Variants in PPIE observed in about 807,000 individuals in gnomAD.
PPIE encodes peptidyl-prolyl cis-trans isomerase E.
PPIE carries 20 observed loss-of-function variants against 38.4 expected under a neutral mutation model. The observed-to-expected ratio is 0.52, with a 90% confidence interval of 0.37 to 0.76. PPIE has a LOEUF of 0.76. Among genes scored for constraint, PPIE ranks in the 30% least tolerant of loss-of-function variants. The pLI is 0.00. For missense variants in PPIE, 322 were observed against 385.8 expected, an observed-to-expected ratio of 0.83 and a Z score of 1.39; for synonymous variants, 142 against 135.7, an observed-to-expected ratio of 1.05 and a Z score of -0.32.
At chr1:39,762,650 A>G (rs1649153084) in intron 9 of PPIE, 2 of 1,539,868 alleles carry the variant, frequency 1.3e-6, no homozygotes, top group Middle Eastern at 1.7e-4. Flanking sequence ...GGTGCGGCAC[A>G]GGTGGGTGAG....
chr1:39,763,872 C>T lies in PPIE; in HGVS notation c.*130C>T, dbSNP rs1164043304. 1.1e-5 allele frequency: 16 copies of T among 1,449,620 alleles called. 1 individual carries two copies. The highest frequency in any genetic ancestry group is 2.1e-4 in the Middle Eastern group (1 of 4,830). 89.8% of individuals were successfully genotyped at this position (1,449,620 alleles called of 1,614,324 possible). A position where few individuals can be genotyped will look rare whatever the true frequency, so the allele number is the denominator to read the frequency against. On this transcript the variant is annotated 3_prime_UTR_variant, in exon 10 of 10. Coordinates refer to the PPIE transcript ENST00000356511. ...TATGGGGTACCAGGGTGGGGGATGC[C>T]CTGATGAGCACATTTGTCAAATAAA...
intron 8 of PPIE, 91 bp downstream of exon 8, chr1:39,749,179 G>C: frequency 7.3e-7 from 1 of 1,377,452 alleles, no homozygotes; most frequent in South Asian, 1.4e-5. Flanking sequence ...GTTCTGGCTG[G>C]CGGACACTAA....
chr1:39,741,800 A>G (rs1159058188), intron 3 of PPIE, 95 bp from the exon 4 acceptor site: 5 of 1,407,918 alleles, frequency 3.6e-6, no homozygotes, highest in Non-Finnish European at 4.0e-6. Context: ...CAGAGGTGGC[A>G]TTTTTCTGGA....
chr1:39,744,983 G>T (rs1271312539), intron 6 of PPIE, among the ~76,000 whole-genome samples: 1 of 152,226 alleles, frequency 6.6e-6, no homozygotes, highest in East Asian at 1.9e-4. Context: ...GTACATGGAT[G>T]GGTCTGCCTA....
At chr1:39,739,095 C>A in intron 1 of PPIE, 164 bp downstream of exon 1, 2 of 669,828 alleles carry the variant, frequency 3.0e-6, no homozygotes, top group Non-Finnish European at 4.4e-6. Context: ...TAAACTCCTT[C>A]CAAGGTTTCC....
In PPIE at chr1:39,753,436, C is replaced by T. The variant is rs1297579862; in HGVS notation, c.*81C>T. On this transcript the variant is annotated 3_prime_UTR_variant, in exon 10 of 10. Transcript: ENST00000324379. ...ACTGCCAGCCTCAGAGGAGGCAGCA[C>T]CGAGGGTGCCTGTTTGAAGCAAGCA... 1.3e-6 allele frequency: 2 copies of T among 1,569,794 alleles called. No homozygotes were observed. Among genetic ancestry groups the T allele is most frequent in the Non-Finnish European group, 1.7e-6 (2 of 1,158,696 alleles).
Position 39,753,947 on chromosome 1 carries a change from C to G in PPIE, c.*592C>G, listed in dbSNP as rs749682141. The G allele has an allele frequency of 2.0e-6, 2 of 985,252 alleles. No individual in the cohort carries two copies. Among genetic ancestry groups the G allele is most frequent in the African/African-American group, 1.7e-5 (1 of 57,204 alleles). 61.0% of individuals were successfully genotyped at this position (985,252 alleles called of 1,614,324 possible). On this transcript the variant is annotated 3_prime_UTR_variant, in exon 10 of 10. Coordinates refer to ENST00000324379, the MANE Select transcript of PPIE (RefSeq NM_006112.4). ...TGCCTCTGCTCCTAAACCCAGCTGC[C>G]GGCCTTACAGCCAGCAAGTGTACTC... is the stretch of plus-strand genomic sequence containing the variant.
chr1:39,746,903 A>G lies in PPIE; in HGVS notation c.508+1405A>G, dbSNP rs544466773. The G allele has an allele frequency of 3.3e-5, 5 of 152,262 alleles. No homozygotes were observed. The East Asian group carries it at 7.7e-4, about 23-fold the overall frequency. The allele number at this position is 152,262 out of a possible 1,614,324, so 9.4% of individuals were successfully genotyped here. On this transcript the variant is annotated intron_variant, in intron 7 of 9. Transcript: ENST00000324379. ...GTTAGCAGTAATTACTCTGTTCGAA[A>G]TTTTTGAATCATCCTAAACAAAACC...
intron 7 of PPIE, chr1:39,747,687 C>T (rs1647287499): frequency 6.6e-6 from 1 of 151,810 alleles, no homozygotes; most frequent in South Asian, 2.1e-4. Flanking sequence ...AGGCTGGTCT[C>T]AAACTCCTGA....
intron 8 of PPIE, among the ~76,000 whole-genome samples, chr1:39,749,500 T>A (rs1647478237): frequency 6.6e-6 from 1 of 152,174 alleles, no homozygotes; most frequent in Non-Finnish European, 1.5e-5. Context: ...AGGGGACCCT[T>A]GCCAACCTGA....
rs369945946 is a variant in PPIE at position 39,763,748 on chromosome 1, G to T, written c.*6G>T. On this transcript the variant is annotated 3_prime_UTR_variant, in exon 10 of 10. Transcript: ENST00000356511. ...GGTCCTGGAAGCTGACGTAGAGCTC[G>T]TGCCGACGGCAGACCTGCCGGCCGT... 1.9e-6 allele frequency: 3 copies of T among 1,603,776 alleles called. No homozygotes were observed. In the African/African-American group the frequency reaches 4.1e-5, roughly 22 times the overall value.
chr1:39,740,140 C>G (rs1348745724), intron 1 of PPIE, 25 bp from the exon 2 acceptor site: 2 of 1,596,532 alleles, frequency 1.3e-6, no homozygotes, highest in Non-Finnish European at 1.7e-6. Context: ...ATCAGTGGCT[C>G]AGAAGGCCCT....
In PPIE at chr1:39,753,725, G is replaced by A. The variant is rs575887384; in HGVS notation, c.*370G>A. 1.5e-4 allele frequency: 159 copies of A among 1,035,262 alleles called. 1 individual carries two copies. In the South Asian group the frequency reaches 3.1e-3, roughly 20 times the overall value. 64.1% of individuals were successfully genotyped at this position (1,035,262 alleles called of 1,614,324 possible). ...TATTGCTCTTCCTGCTAGTTCTTGGGAGTTGTCAGAGATTGTGTCTGTGGC... is the reference window on the plus strand; with the variant it reads ...TATTGCTCTTCCTGCTAGTTCTTGGAAGTTGTCAGAGATTGTGTCTGTGGC... On this transcript the variant is annotated 3_prime_UTR_variant, in exon 10 of 10. Coordinates refer to ENST00000324379, the MANE Select transcript of PPIE (RefSeq NM_006112.4).
In PPIE at chr1:39,754,981, AC is replaced by A; in HGVS notation, c.*1627del. The stretch of plus-strand genomic sequence containing the variant: ...CACAGTCCCAAGGCCTAAAATACTT[AC>A]TATCTGAGCCTTTACAAAACAGGAT... On this transcript the variant is annotated 3_prime_UTR_variant, in exon 10 of 10. Coordinates refer to ENST00000324379, the MANE Select transcript of PPIE (RefSeq NM_006112.4). 1.0e-6 allele frequency: 1 copy of A among 983,056 alleles called. No individual in the cohort carries two copies. Among genetic ancestry groups the A allele is most frequent in the Non-Finnish European group, 1.2e-6 (1 of 827,724 alleles). 60.9% of individuals were successfully genotyped at this position (983,056 alleles called of 1,614,324 possible). A position where few individuals can be genotyped will look rare whatever the true frequency, so the allele number is the denominator to read the frequency against.
Position 39,754,341 on chromosome 1 carries a change from C to A in PPIE, c.*986C>A, listed in dbSNP as rs953593723. 1.3e-5 allele frequency among the ~76,000 whole-genome samples: 2 copies of A among 152,100 alleles called. No homozygotes were observed. Among genetic ancestry groups the A allele is most frequent in the African/African-American group, 4.8e-5 (2 of 41,418 alleles). On this transcript the variant is annotated 3_prime_UTR_variant, in exon 10 of 10. Transcript: ENST00000324379. ...ATTTATTTTAAGGAACTGGCTCAAG[C>A]AGTGGTAGGAGCTGGCAAGTCTGCA...
At chr1:39,751,272 A>G (rs372926423) in intron 8 of PPIE, among the ~76,000 whole-genome samples, 24 of 152,342 alleles carry the variant, frequency 1.6e-4, no homozygotes, top group East Asian at 1.2e-3. Flanking sequence ...TTATATGTAT[A>G]ATGGAATTAT....
At chr1:39,742,070 T>A in intron 4 of PPIE, 149 bp downstream of exon 4, 3 of 762,604 alleles carry the variant, frequency 3.9e-6, no homozygotes, top group Non-Finnish European at 6.5e-6. Context: ...TGTGAATTGA[T>A]CACTTATAAA....
exon 10 of PPIE, chr1:39,763,813 G>A (rs1329024533): frequency 2.5e-6 from 4 of 1,596,996 alleles, no homozygotes; most frequent in Non-Finnish European, 2.6e-6. Flanking sequence ...GAAGGGGCAA[G>A]GTCTTTTCTG....
In PPIE at chr1:39,745,409, C is replaced by T. The variant is rs1647171217; in HGVS notation, c.419C>T (p.Pro140Leu). ...EPIAKKARSN[P>L]QVYMDIKIGN... ...ATTGCTAAAAAGGCCCGCTCAAATCCTCAGGTGTACATGGACATCAAGATT... is the reference window on the plus strand; with the variant it reads ...ATTGCTAAAAAGGCCCGCTCAAATCTTCAGGTGTACATGGACATCAAGATT... The change falls in exon 7 of 10, where the codon CCT (proline) becomes CTT (leucine). Residue 140 changes from proline to leucine, a missense_variant. Coordinates refer to ENST00000324379, the MANE Select transcript of PPIE (RefSeq NM_006112.4). 1 of 1,614,218 alleles carries T rather than the reference C, an allele frequency of 6.2e-7. No homozygotes were observed. The highest frequency in any genetic ancestry group is 1.3e-5 in the African/African-American group (1 of 75,054).
Sources: allele counts gnomAD v4.1 joint callset (sites outside exome capture counted in the v4.1 genomes callset), GRCh38; gene constraint gnomAD v4.1.1; transcripts MANE v1.5; gene names NCBI Gene and HGNC (gene_info 2026-07-23, HGNC 2026-07-21).